The following SPTLC2 variants were observed in gnomAD, a reference collection of about 807,000 sequenced individuals.
SPTLC2 encodes serine palmitoyltransferase 2.
In SPTLC2, 21 loss-of-function variants were observed where a neutral mutation model predicts 62.0. That is an observed-to-expected ratio of 0.34 (90% CI 0.24 to 0.49). The LOEUF is 0.49. Ranked by LOEUF, SPTLC2 falls within the 20% of genes least tolerant of loss-of-function variation. The pLI, the probability that SPTLC2 is intolerant of heterozygous loss-of-function variation, is 0.99. For synonymous variants in SPTLC2, 261 were observed against 261.8 expected (o/e 1.00, Z 0.03); for missense variants, 511 against 713.0 (o/e 0.72, Z 3.23).
At chr14:77,592,752 T>C (rs1227254363) in intron 2 of SPTLC2, among the ~76,000 whole-genome samples, 1 of 152,124 alleles carries the variant, frequency 6.6e-6, no homozygotes, top group East Asian at 1.9e-4. Flanking sequence ...TCCCTCTTCC[T>C]ACCCACCACA....
At position 77,593,420 on chromosome 14, in the gene SPTLC2, AG is replaced by A. The variant is rs544168722; in HGVS notation, c.327+3765del. Among the ~76,000 whole-genome samples the A allele has an allele frequency of 1.7e-3, 260 of 152,276 alleles. 1 individual carries two copies. The highest frequency in any genetic ancestry group is 3.0e-3 in the Non-Finnish European group (205 of 68,030). On this transcript the variant is annotated intron_variant, in intron 2 of 11. Coordinates refer to ENST00000216484, the MANE Select transcript of SPTLC2 (RefSeq NM_004863.4). ...AGCCTAGAACATCTTTATTAATTCA[AG>A]CTTTTGCTGTATCTGTCACGTACGT... is the stretch of plus-strand genomic sequence containing the variant.
At chr14:77,544,121 C>T (rs1281834614) in intron 9 of SPTLC2, among the ~76,000 whole-genome samples, 1 of 152,114 alleles carries the variant, frequency 6.6e-6, no homozygotes, top group African/African-American at 2.4e-5. Context: ...AATCCTCCGC[C>T]TTGGCCTCCC....
At chr14:77,609,412 C>T (rs184134061) in intron 1 of SPTLC2, among the ~76,000 whole-genome samples, 4 of 152,138 alleles carry the variant, frequency 2.6e-5, no homozygotes, top group Non-Finnish European at 5.9e-5. Flanking sequence ...AGTTGATAGA[C>T]ATTTGGATTG....
At chr14:77,539,772 G>A (rs2079490447) in intron 9 of SPTLC2, among the ~76,000 whole-genome samples, 1 of 152,056 alleles carries the variant, frequency 6.6e-6, no homozygotes, top group East Asian at 1.9e-4. Context: ...TTACAGGCGT[G>A]AGCCACTGTG....
chr14:77,525,706 C>G (rs993543619), intron 9 of SPTLC2, among the ~76,000 whole-genome samples: 4 of 152,072 alleles, frequency 2.6e-5, no homozygotes, highest in Non-Finnish European at 5.9e-5. Flanking sequence ...GTCAGGAGAT[C>G]GAGACCATCC....
In SPTLC2 at chr14:77,570,438, C is replaced by T. The variant is rs372032405; in HGVS notation, c.702G>A (p.Ala234=). The T allele has an allele frequency of 4.0e-5, 64 of 1,613,760 alleles. No individual in the cohort carries two copies. The highest frequency in any genetic ancestry group is 9.3e-5 in the African/African-American group (7 of 74,878). Residue 234 remains alanine, a synonymous_variant, in exon 5 of 12, where the codon GCG becomes GCA. Transcript: ENST00000216484. ...AATTCGTTGCAAATCCCATGCCATACGCCATAGCAGCTTCTACTCCTAAGA... is the reference window on the plus strand; with the variant it reads ...AATTCGTTGCAAATCCCATGCCATATGCCATAGCAGCTTCTACTCCTAAGA... ...ARFLGVEAAM[A]YGMGFATNSM... is the part of the protein sequence containing the mutation.
In SPTLC2 at chr14:77,552,107, C is replaced by T. The variant is rs746036150; in HGVS notation, c.1292G>A (p.Gly431Asp). Residue 431 changes from glycine to aspartate, a missense_variant, in exon 9 of 12, where the codon GGC becomes GAC. Gly to Asp is a moderately conservative substitution (Grantham distance 94). Coordinates refer to ENST00000216484, the MANE Select transcript of SPTLC2 (RefSeq NM_004863.4). ...AAAGAAAGACTTACCAAGGCTGGTG[C>T]CATCCTGCCCCATGATGCACTTCAT... ...TSMKCIMGQDGTSLGKECVQQ... is the reference protein window; with the variant it reads ...TSMKCIMGQDDTSLGKECVQQ... The T allele has an allele frequency of 7.4e-6, 12 of 1,613,964 alleles. No homozygotes were observed. In the East Asian group the frequency reaches 2.7e-4, roughly 36 times the overall value.
chr14:77,600,663 T>C (rs2079872212), intron 1 of SPTLC2, among the ~76,000 whole-genome samples: 1 of 152,186 alleles, frequency 6.6e-6, no homozygotes, highest in South Asian at 2.1e-4. Flanking sequence ...TCTGTTCACA[T>C]TAAGCAAACA....
At chr14:77,603,199 A>G (rs2079887363) in intron 1 of SPTLC2, among the ~76,000 whole-genome samples, 1 of 152,228 alleles carries the variant, frequency 6.6e-6, no homozygotes, top group Non-Finnish European at 1.5e-5. Context: ...AAATAAGCAC[A>G]TTCCAGCTGC....
In SPTLC2 at chr14:77,509,404, G is replaced by C. The variant is rs2079321292; in HGVS notation, c.*2880C>G. On this transcript the variant is annotated 3_prime_UTR_variant, in exon 12 of 12. Transcript: ENST00000216484. Reference sequence around the variant, plus strand: ...CTATGCATTTCCTGGCTTCTGATGTGATCTGCTGAAAGAGGTCTTATAAAC... The same window carrying C: ...CTATGCATTTCCTGGCTTCTGATGTCATCTGCTGAAAGAGGTCTTATAAAC... 1.3e-5 allele frequency: 2 copies of C among 152,470 alleles called. No individual in the cohort carries two copies. The highest frequency in any genetic ancestry group is 4.1e-4 in the South Asian group (2 of 4,832). 9.4% of individuals were successfully genotyped at this position (152,470 alleles called of 1,614,324 possible). A position where few individuals can be genotyped will look rare whatever the true frequency, so the allele number is the denominator to read the frequency against.
At chr14:77,585,864 A>G (rs1465296796) in intron 2 of SPTLC2, among the ~76,000 whole-genome samples, 2 of 152,226 alleles carry the variant, frequency 1.3e-5, no homozygotes, top group Non-Finnish European at 2.9e-5. Context: ...CACTGGCCAA[A>G]AAAATGACCC....
At chr14:77,580,805 C>T (rs771984527) in intron 2 of SPTLC2, among the ~76,000 whole-genome samples, 11 of 151,546 alleles carry the variant, frequency 7.3e-5, no homozygotes, top group Non-Finnish European at 1.5e-4. Flanking sequence ...TCACTTGAGC[C>T]CAGGAGTTCA....
chr14:77,518,288 G>A, intron 10 of SPTLC2, 121 bp from the exon 11 acceptor site: 2 of 1,437,328 alleles, frequency 1.4e-6, no homozygotes, highest in Non-Finnish European at 1.9e-6. Flanking sequence ...CTTCTAATAG[G>A]AGTTTCCTTT....
At chr14:77,575,938 AG>A (rs1419523903) in intron 4 of SPTLC2, among the ~76,000 whole-genome samples, 1 of 152,204 alleles carries the variant, frequency 6.6e-6, no homozygotes, top group South Asian at 2.1e-4. Flanking sequence ...AGAAACATGG[AG>A]AGGCCACACA....
intron 10 of SPTLC2, among the ~76,000 whole-genome samples, chr14:77,520,932 G>A (rs138349746): frequency 9.2e-5 from 14 of 152,220 alleles, no homozygotes; most frequent in Admixed American, 4.6e-4. Context: ...TTGCACAGAT[G>A]CTTCTTTCTC....
At position 77,605,980 on chromosome 14, in the gene SPTLC2, A is replaced by G. The variant is rs189314479; in HGVS notation, c.133-8600T>C. ...TCATTGTATCTGCCTAAGACTGCAAAATGCAAACATTAACTTTAGACTCTA... is the reference window on the plus strand; with the variant it reads ...TCATTGTATCTGCCTAAGACTGCAAGATGCAAACATTAACTTTAGACTCTA... On this transcript the variant is annotated intron_variant, in intron 1 of 11. Coordinates refer to ENST00000216484, the MANE Select transcript of SPTLC2 (RefSeq NM_004863.4). 2.0e-3 allele frequency among the ~76,000 whole-genome samples: 305 copies of G among 152,316 alleles called. 2 individuals carry two copies. The highest frequency in any genetic ancestry group is 7.1e-3 in the African/African-American group (297 of 41,550).
At chr14:77,585,270 T>G (rs2079774973) in intron 2 of SPTLC2, among the ~76,000 whole-genome samples, 1 of 152,238 alleles carries the variant, frequency 6.6e-6, no homozygotes, top group Non-Finnish European at 1.5e-5. Flanking sequence ...AGATGTTTAA[T>G]AACTTATTAG....
rs148615520 is a variant in SPTLC2 at position 77,611,388 on chromosome 14, G to A, written c.132+5060C>T. On this transcript the variant is annotated intron_variant, in intron 1 of 11. Transcript: ENST00000216484. ...TGAGATGGGAGGATCGCTTGAGCCC[G>A]AGAAGTTGAGGCCGCAGTAAGCTAT... Among the ~76,000 whole-genome samples, 1,149 of 147,176 alleles carry A rather than the reference G, an allele frequency of 7.8e-3. 12 individuals are homozygous for A. The highest frequency in any genetic ancestry group is 0.028 in the African/African-American group (1,097 of 39,842).
At chr14:77,513,015 A>ATTTTTT (rs1594965084) in intron 11 of SPTLC2, among the ~76,000 whole-genome samples, 8 of 38,802 alleles carry the variant, frequency 2.1e-4, no homozygotes, top group Non-Finnish European at 5.0e-4. Context: ...GAACCCAGCA[A>ATTTTTT]CTTTTTTTTT....
Sources: allele counts gnomAD v4.1 joint callset (sites outside exome capture counted in the v4.1 genomes callset), GRCh38; gene constraint gnomAD v4.1.1; transcripts MANE v1.5; gene names NCBI Gene and HGNC (gene_info 2026-07-23, HGNC 2026-07-21).